The following SOX5 variants were observed in gnomAD, a reference collection of about 807,000 sequenced individuals.
SOX5 encodes SRY-box transcription factor 5.
In SOX5, 9 loss-of-function variants were observed where a neutral mutation model predicts 92.0. The ratio of observed to expected loss-of-function variants is 0.10; its 90% CI spans 0.06 to 0.17. The LOEUF is 0.17. Among genes scored for constraint, SOX5 ranks in the 10% least tolerant of loss-of-function variants. SOX5 has a pLI of 1.00. For synonymous variants in SOX5, 344 were observed against 336.3 expected (o/e 1.02, Z -0.25); for missense variants, 642 against 944.5 (o/e 0.68, Z 4.20).
At position 24,062,642 on chromosome 12, in the gene SOX5, G is replaced by C. The variant is rs35427655; in HGVS notation, c.-2+150701C>G. Among the ~76,000 whole-genome samples the C allele has an allele frequency of 4.1e-3, 620 of 152,320 alleles. 4 individuals carry two copies. The highest frequency in any genetic ancestry group is 5.1e-3 in the Non-Finnish European group (350 of 68,024). On this transcript the variant is annotated intron_variant, in intron 4 of 4. Coordinates refer to the SOX5 transcript ENST00000446891. ...GTAAAGACGTGGTCCTGAAGTGTTA[G>C]AGCTTGCCAGTGGGCCACCCACAGA...
intron 3 of SOX5, among the ~76,000 whole-genome samples, chr12:23,767,907 G>A (rs1470578718): frequency 7.9e-5 from 12 of 151,874 alleles, no homozygotes; most frequent in African/African-American, 2.4e-4. Flanking sequence ...TCACACACAT[G>A]TGTATTTAGT....
chr12:24,181,986 C>G (rs1410749615), intron 4 of SOX5, among the ~76,000 whole-genome samples: 3 of 152,134 alleles, frequency 2.0e-5, no homozygotes, highest in Non-Finnish European at 4.4e-5. Flanking sequence ...TTCTTTTATG[C>G]TACCAGATTT....
chr12:23,743,776 T>C (rs975599799), intron 4 of SOX5, among the ~76,000 whole-genome samples: 7 of 152,182 alleles, frequency 4.6e-5, no homozygotes, highest in African/African-American at 1.7e-4. Flanking sequence ...GGGTTTCACA[T>C]TCCGTGAATA....
chr12:23,591,479 G>T (rs1173526049), intron 9 of SOX5, among the ~76,000 whole-genome samples: 1 of 152,084 alleles, frequency 6.6e-6, no homozygotes, highest in Non-Finnish European at 1.5e-5. Context: ...GGATAGAACA[G>T]ATCAGAATTC....
intron 1 of SOX5, among the ~76,000 whole-genome samples, chr12:24,442,948 A>ATTTTTT (rs3983413): frequency 9.1e-6 from 1 of 109,934 alleles, no homozygotes; most frequent in Non-Finnish European, 1.8e-5. Context: ...TAAGTTTATA[A>ATTTTTT]TTTTTTTTTT....
At chr12:24,529,636 T>C (rs1950999254) in intron 1 of SOX5, among the ~76,000 whole-genome samples, 1 of 152,192 alleles carries the variant, frequency 6.6e-6, no homozygotes, top group African/African-American at 2.4e-5. Flanking sequence ...CTGCAAGCTG[T>C]AGAAGAACCA....
chr12:24,220,526 AG>A (rs1172385293), intron 3 of SOX5, among the ~76,000 whole-genome samples: 3 of 152,190 alleles, frequency 2.0e-5, no homozygotes, highest in African/African-American at 7.2e-5. Flanking sequence ...TAATAATAAA[AG>A]GGCTATTAAA....
Position 23,843,478 on chromosome 12 carries a change from A to T in SOX5, c.481+2505T>A, listed in dbSNP as rs116361236. 5.0e-3 allele frequency among the ~76,000 whole-genome samples: 754 copies of T among 151,770 alleles called. 8 individuals carry two copies. Among genetic ancestry groups the T allele is most frequent in the African/African-American group, 0.017 (719 of 41,390 alleles). ...TTTCCGTAAATCTAAAACTGTTTTT[A>T]AAAAAAATAAAGTGAATGTATAAAT... On this transcript the variant is annotated intron_variant, in intron 3 of 14. Coordinates refer to ENST00000451604, the MANE Select transcript of SOX5 (RefSeq NM_006940.6).
At chr12:24,158,360 C>T (rs1435560262) in intron 4 of SOX5, among the ~76,000 whole-genome samples, 3 of 151,778 alleles carry the variant, frequency 2.0e-5, no homozygotes, top group African/African-American at 7.3e-5. Flanking sequence ...AAATATTTTA[C>T]AAAATAAATA....
At chr12:24,017,978 G>A (rs578213219) in intron 4 of SOX5, among the ~76,000 whole-genome samples, 2 of 152,242 alleles carry the variant, frequency 1.3e-5, no homozygotes, top group East Asian at 1.9e-4. Context: ...CTCTGCTCCC[G>A]TTAACTCAGG....
chr12:23,647,971 C>T (rs956774094), intron 7 of SOX5, among the ~76,000 whole-genome samples: 4 of 152,198 alleles, frequency 2.6e-5, no homozygotes, highest in African/African-American at 9.7e-5. Flanking sequence ...TTGTCTGTCT[C>T]GTGCAAGAGG....
intron 1 of SOX5, among the ~76,000 whole-genome samples, chr12:24,369,462 G>A (rs902686889): frequency 6.6e-6 from 1 of 152,128 alleles, no homozygotes; most frequent in Non-Finnish European, 1.5e-5. Flanking sequence ...GACACCAAAG[G>A]CTCAAGTGAG....
intron 3 of SOX5, among the ~76,000 whole-genome samples, chr12:24,254,738 T>TATATATATATATATATATA: frequency 1.3e-5 from 2 of 151,446 alleles, no homozygotes; most frequent in South Asian, 2.1e-4. Context: ...TATATATATA[T>TATATATATATATATATATA]TTCCTATGAC....
intron 8 of SOX5, among the ~76,000 whole-genome samples, chr12:23,636,377 T>TTAATAAACAG (rs1356800367): frequency 1.3e-5 from 2 of 152,192 alleles, no homozygotes; most frequent in African/African-American, 4.8e-5. Flanking sequence ...AAAATAATAG[T>TTAATAAACAG]TAATAAACAG....
At chr12:24,249,151 T>C (rs1184763025) in intron 3 of SOX5, among the ~76,000 whole-genome samples, 1 of 152,230 alleles carries the variant, frequency 6.6e-6, no homozygotes, top group Non-Finnish European at 1.5e-5. Flanking sequence ...TAGTGCTGTG[T>C]AAACGATCAG....
intron 1 of SOX5, among the ~76,000 whole-genome samples, chr12:23,927,664 T>G (rs1203529158): frequency 6.6e-6 from 1 of 152,032 alleles, no homozygotes; most frequent in Non-Finnish European, 1.5e-5. Context: ...ATCTATAACA[T>G]CATTTTTTTT....
intron 1 of SOX5, among the ~76,000 whole-genome samples, chr12:24,488,521 G>GGCTACA (rs1257098367): frequency 6.6e-6 from 1 of 152,128 alleles, no homozygotes; most frequent in African/African-American, 2.4e-5. Flanking sequence ...AGGAGTTCAA[G>GGCTACA]GCTACAGTGA....
At position 24,382,527 on chromosome 12, in the gene SOX5, C is replaced by T. The variant is rs114578312; in HGVS notation, c.-250-13888G>A. 5.2e-3 allele frequency among the ~76,000 whole-genome samples: 791 copies of T among 152,158 alleles called. 9 individuals carry two copies. The highest frequency in any genetic ancestry group is 0.015 in the African/African-American group (624 of 41,494). On this transcript the variant is annotated intron_variant, in intron 1 of 4. Coordinates refer to the SOX5 transcript ENST00000446891. The stretch of plus-strand genomic sequence containing the variant: ...TCCTCAAGGGTCATAGTAAGGACTC[C>T]CCTGAGGTAGGAAGCCATTGGAGGT...
chr12:23,697,282 C>T (rs796185763), intron 6 of SOX5, among the ~76,000 whole-genome samples: 3 of 152,274 alleles, frequency 2.0e-5, no homozygotes, highest in African/African-American at 4.8e-5. Context: ...TTTAAGGTCT[C>T]TTGATGAACT....
Sources: allele counts gnomAD v4.1 joint callset (sites outside exome capture counted in the v4.1 genomes callset), GRCh38; gene constraint gnomAD v4.1.1; transcripts MANE v1.5; gene names NCBI Gene and HGNC (gene_info 2026-07-23, HGNC 2026-07-21).